Variants in TMEM132D observed in about 807,000 individuals in gnomAD.
TMEM132D encodes transmembrane protein 132D.
Under a neutral mutation model 62.3 loss-of-function variants are expected in TMEM132D, and 21 were observed. That is an observed-to-expected ratio of 0.34 (90% confidence interval 0.24 to 0.49). The LOEUF (loss-of-function observed/expected upper bound fraction) is 0.49, where lower values mean the gene tolerates loss of function less well. Ranked by LOEUF, TMEM132D falls within the 20% of genes least tolerant of loss-of-function variation. TMEM132D has a pLI of 0.99. For missense variants in TMEM132D, 1,346 were observed against 1,402.8 expected, an observed-to-expected ratio of 0.96 and a Z score of 0.65; for synonymous variants, 621 against 575.6, an observed-to-expected ratio of 1.08 and a Z score of -1.13.
intron 1 of TMEM132D, among the ~76,000 whole-genome samples, chr12:129,763,322 C>T (rs567077020): frequency 6.6e-6 from 1 of 152,174 alleles, no homozygotes; most frequent in East Asian, 1.9e-4. Context: ...AAGCTATCTT[C>T]CTGCCTCGGT....
intron 3 of TMEM132D, among the ~76,000 whole-genome samples, chr12:129,480,058 T>G (rs199926431): frequency 6.9e-6 from 1 of 145,480 alleles, no homozygotes; most frequent in Non-Finnish European, 1.5e-5. Context: ...GTCCTAGAGA[T>G]TTGAAGAAAG....
chr12:129,636,231 T>C (rs1231723663), intron 2 of TMEM132D, among the ~76,000 whole-genome samples: 1 of 152,196 alleles, frequency 6.6e-6, no homozygotes, highest in African/African-American at 2.4e-5. Flanking sequence ...GGGGATTATC[T>C]ACAGAATGTA....
rs1871739919 is a variant in TMEM132D, at chr12:129,405,034, T to C, written c.1116-67217A>G. 2.0e-5 allele frequency among the ~76,000 whole-genome samples: 3 copies of C among 152,328 alleles called. No homozygotes were observed. In the South Asian group the frequency reaches 6.2e-4, roughly 32 times the overall value. On this transcript the variant is annotated intron_variant, in intron 3 of 8. Transcript: ENST00000422113. ...ATGAAATGAGGATAGGACTCCTCCATGTATATCTTTCAATATCATTTTAAT... is the reference window on the plus strand; with the variant it reads ...ATGAAATGAGGATAGGACTCCTCCACGTATATCTTTCAATATCATTTTAAT...
chr12:129,621,907 T>A (rs1879081409), intron 2 of TMEM132D, among the ~76,000 whole-genome samples: 1 of 152,186 alleles, frequency 6.6e-6, no homozygotes, highest in Non-Finnish European at 1.5e-5. Context: ...TTTTCTTCCT[T>A]CTTTTCTCCT....
chr12:129,579,703 G>T (rs1177097551), intron 2 of TMEM132D, among the ~76,000 whole-genome samples: 3 of 152,144 alleles, frequency 2.0e-5, no homozygotes, highest in Non-Finnish European at 4.4e-5. Context: ...AGCCATGCTG[G>T]CAGTCAAATG....
chr12:129,371,599 T>C lies in TMEM132D; in HGVS notation c.1116-33782A>G, dbSNP rs116914564. Among the ~76,000 whole-genome samples the C allele has an allele frequency of 3.0e-3, 458 of 151,686 alleles. 14 individuals are homozygous for C. In the East Asian group the frequency reaches 0.079, roughly 26 times the overall value. The stretch of plus-strand genomic sequence containing the variant: ...GATGTGATGATAGTAACAATGATCA[T>C]GGCAGATTGTGGTGATGATGATGGT... On this transcript the variant is annotated intron_variant, in intron 3 of 8. Coordinates refer to ENST00000422113, the MANE Select transcript of TMEM132D (RefSeq NM_133448.3). This position sits in a 1 kb window ranked among gnomAD's most constrained non-coding sequence, Gnocchi z 4.3.
chr12:129,089,210 T>C lies in TMEM132D; in HGVS notation c.1444-4508A>G, dbSNP rs527456617. Among the ~76,000 whole-genome samples, 29 of 31,832 alleles carry C rather than the reference T, an allele frequency of 9.1e-4. 5 individuals are homozygous for C. The highest frequency in any genetic ancestry group is 2.5e-3 in the African/African-American group (8 of 3,246). 20.9% of individuals were successfully genotyped at this position (31,832 alleles called of 152,430 possible). The stretch of plus-strand genomic sequence containing the variant: ...ATGTCCTCCATGACCGGGTGTCCTC[T>C]ATGACCGGGTGTCCTCTATGACCGG... On this transcript the variant is annotated intron_variant, in intron 5 of 8. Coordinates refer to ENST00000422113, the MANE Select transcript of TMEM132D (RefSeq NM_133448.3).
At chr12:129,846,626 C>T (rs1873370580) in intron 1 of TMEM132D, among the ~76,000 whole-genome samples, 1 of 152,116 alleles carries the variant, frequency 6.6e-6, no homozygotes, top group African/African-American at 2.4e-5. Context: ...GAATCTGTGG[C>T]TTGATGTTGC....
intron 3 of TMEM132D, among the ~76,000 whole-genome samples, chr12:129,513,962 C>T (rs1033829926): frequency 2.6e-5 from 4 of 151,478 alleles, no homozygotes; most frequent in South Asian, 4.2e-4. Context: ...CTCAGCCTCC[C>T]GAGTAGCTGG....
intron 5 of TMEM132D, among the ~76,000 whole-genome samples, chr12:129,143,728 C>CAGAGAAA (rs1390878853): frequency 6.6e-6 from 1 of 152,166 alleles, no homozygotes. Context: ...ACATAAACTG[C>CAGAGAAA]AGAAAAAGAG....
chr12:129,406,776 A>G (rs911756916), intron 3 of TMEM132D, among the ~76,000 whole-genome samples: 2 of 152,190 alleles, frequency 1.3e-5, no homozygotes, highest in Admixed American at 6.5e-5. Flanking sequence ...TCCAGTGTGG[A>G]TGGCAGCCCT....
intron 8 of TMEM132D, among the ~76,000 whole-genome samples, chr12:129,075,496 T>C (rs142696413): frequency 9.3e-4 from 142 of 152,320 alleles, no homozygotes; most frequent in African/African-American, 3.2e-3. Flanking sequence ...TTTTAAGTTG[T>C]AATACTGAGT....
At chr12:129,790,322 C>T (rs1209879095) in intron 1 of TMEM132D, among the ~76,000 whole-genome samples, 1 of 152,154 alleles carries the variant, frequency 6.6e-6, no homozygotes, top group East Asian at 1.9e-4. Context: ...TTTGCACTCG[C>T]ACCTGAATTT....
chr12:129,137,640 A>G (rs966431306), intron 5 of TMEM132D, among the ~76,000 whole-genome samples: 2 of 152,144 alleles, frequency 1.3e-5, no homozygotes, highest in Non-Finnish European at 2.9e-5. Flanking sequence ...ATGGCTTATC[A>G]TCCATTTCCT....
chr12:129,649,768 GTA>G (rs1195104418), intron 2 of TMEM132D, among the ~76,000 whole-genome samples: 4 of 151,812 alleles, frequency 2.6e-5, no homozygotes, highest in African/African-American at 4.8e-5. Context: ...ATATGTATGT[GTA>G]TATGTGTGTA....
chr12:129,088,443 C>T (rs1316864552), intron 5 of TMEM132D, among the ~76,000 whole-genome samples: 2 of 42,412 alleles, frequency 4.7e-5, no homozygotes, highest in Non-Finnish European at 3.9e-5. Flanking sequence ...GGGTGTCCTC[C>T]ATGACCGGGT....
rs201071328 is a variant in TMEM132D at position 129,524,258 on chromosome 12, GA to G, written c.1115+6800del. Among the ~76,000 whole-genome samples the G allele has an allele frequency of 9.1e-4, 136 of 149,684 alleles. 1 individual carries two copies. The highest frequency in any genetic ancestry group is 2.8e-3 in the African/African-American group (115 of 40,770). ...ATAAAAAATAAAAAAATAAAAAGGT[GA>G]AAAAAAAAGAAAGAAACAGCCATGT... is the stretch of plus-strand genomic sequence containing the variant. On this transcript the variant is annotated intron_variant, in intron 3 of 8. Transcript: ENST00000422113.
intron 4 of TMEM132D, among the ~76,000 whole-genome samples, chr12:129,254,106 C>A (rs1350093579): frequency 1.3e-5 from 2 of 152,124 alleles, no homozygotes; most frequent in Non-Finnish European, 2.9e-5. Context: ...TGCCTAAATA[C>A]ACGTATCCTC....
intron 3 of TMEM132D, among the ~76,000 whole-genome samples, chr12:129,494,004 C>T (rs1874876526): frequency 6.6e-6 from 1 of 152,178 alleles, no homozygotes; most frequent in African/African-American, 2.4e-5. Flanking sequence ...AAGCTTCTTC[C>T]CTTCTGTGTT....
Sources: gnomAD v4.1 joint callset for allele counts (sites outside exome capture counted in the v4.1 genomes callset) on GRCh38, gnomAD v4.1.1 for gene constraint, Gnocchi (gnomAD v3.1) non-coding constraint, MANE v1.5 for transcripts, NCBI Gene and HGNC (gene_info 2026-07-23, HGNC 2026-07-21) for gene names.